CUBN: variants seen among roughly 807,000 people sequenced by gnomAD.
CUBN encodes the protein cubilin.
A neutral mutation model predicts 405.3 loss-of-function variants in CUBN; 282 were observed. That is an observed-to-expected ratio of 0.70 (90% confidence interval 0.63 to 0.77). The LOEUF is 0.77. Ranked by LOEUF, CUBN falls within the 30% of genes least tolerant of loss-of-function variation. The pLI, the probability that CUBN is intolerant of heterozygous loss-of-function variation, is 0.00. For synonymous variants in CUBN, 1,684 were observed against 1,617.0 expected, an observed-to-expected ratio of 1.04 and a Z score of -0.99; for missense variants, 4,514 against 4,475.2, an observed-to-expected ratio of 1.01 and a Z score of -0.25.
At position 17,048,516 on chromosome 10, in the gene CUBN, T is replaced by G. The variant is rs1835189794; in HGVS notation, c.3140-913A>C. Among the ~76,000 whole-genome samples, 4 of 152,254 alleles carry G rather than the reference T, an allele frequency of 2.6e-5. 1 individual carries two copies. In the South Asian group the frequency reaches 8.3e-4, roughly 32 times the overall value. On this transcript the variant is annotated intron_variant, in intron 22 of 66. Transcript: ENST00000377833. ...CTTTTGAGACAGGGTCTTGCTCTGT[T>G]GCCAAGGCTGGAGTGGAGTGGCGGG...
At chr10:17,040,790 G>A (rs1463949428) in intron 27 of CUBN, among the ~76,000 whole-genome samples, 2 of 152,078 alleles carry the variant, frequency 1.3e-5, no homozygotes, top group East Asian at 3.9e-4. Flanking sequence ...TGTAAGTTAA[G>A]TAATATGAGG....
chr10:16,839,522 T>A (rs937919633), intron 62 of CUBN, among the ~76,000 whole-genome samples: 2 of 135,054 alleles, frequency 1.5e-5, no homozygotes, highest in African/African-American at 2.5e-5. Context: ...TGAGATACCA[T>A]CTCACACCAG....
At position 17,100,324 on chromosome 10, in the gene CUBN, A is replaced by G. The variant is rs1400091121; in HGVS notation, c.1531-85T>C. On this transcript the variant is annotated intron_variant, in intron 13 of 66. Coordinates refer to ENST00000377833, the MANE Select transcript of CUBN (RefSeq NM_001081.4). ...CTCCCACTTCCTAGGCAGCATTCAT[A>G]CTGAGGCACTTTCAAGAGCTAGACC... The G allele has an allele frequency of 4.6e-6, 4 of 870,744 alleles. No individual in the cohort carries two copies. The East Asian group carries it at 1.0e-4, about 23-fold the overall frequency. 53.9% of individuals were successfully genotyped at this position (870,744 alleles called of 1,614,324 possible).
chr10:16,855,600 T>G (rs150856250), intron 59 of CUBN, among the ~76,000 whole-genome samples: 1 of 152,186 alleles, frequency 6.6e-6, no homozygotes, highest in Non-Finnish European at 1.5e-5. Flanking sequence ...CGTGGACCCA[T>G]AAGTGATAAA....
At chr10:17,003,235 G>C (rs988197563) in intron 28 of CUBN, among the ~76,000 whole-genome samples, 21 of 152,068 alleles carry the variant, frequency 1.4e-4, no homozygotes, top group Non-Finnish European at 2.9e-4. Flanking sequence ...CGGATGGATG[G>C]GTGCTTTACC....
At chr10:16,909,353 A>G (rs528663992) in intron 48 of CUBN, among the ~76,000 whole-genome samples, 2 of 152,328 alleles carry the variant, frequency 1.3e-5, no homozygotes, top group East Asian at 3.9e-4. Context: ...TGTCTTATCT[A>G]ATCAACAAAA....
Position 17,041,135 on chromosome 10 carries a change from A to T in CUBN, c.3915T>A (p.His1305Gln). 6.2e-7 allele frequency: 1 copy of T among 1,613,822 alleles called. No homozygotes were observed. The highest frequency in any genetic ancestry group is 1.1e-5 in the South Asian group (1 of 91,070). ...TTGTTGCCCGGATGGTCCAGTTGCA[A>T]TGCTGATTTTCAGAATAAGGATTCG... ...GYPNPYSENQHCNWTIRATTG... is the reference protein window; with the variant it reads ...GYPNPYSENQQCNWTIRATTG... The change falls in exon 27 of 67, where the codon CAT becomes CAA. Residue 1305 changes from histidine to glutamine, a missense_variant. His to Gln is a conservative substitution (Grantham distance 24, BLOSUM62 0). Coordinates refer to ENST00000377833, the MANE Select transcript of CUBN (RefSeq NM_001081.4).
At chr10:16,870,203 T>C (rs1017441283) in intron 58 of CUBN, among the ~76,000 whole-genome samples, 5 of 152,192 alleles carry the variant, frequency 3.3e-5, no homozygotes, top group Admixed American at 1.3e-4. Flanking sequence ...CCAGCAATAC[T>C]TTAGTTTTTT....
Position 16,824,570 on chromosome 10 carries a change from G to C in CUBN, c.*405C>G, listed in dbSNP as rs1771888705. Reference sequence around the variant, plus strand: ...GAGTCTTGCCGTCTCGCCCAGGCTGGAGTGTAGTGGTGTGATCTTAGCTCA... The same window carrying C: ...GAGTCTTGCCGTCTCGCCCAGGCTGCAGTGTAGTGGTGTGATCTTAGCTCA... On this transcript the variant is annotated 3_prime_UTR_variant, in exon 67 of 67. Transcript: ENST00000377833. 5.3e-6 allele frequency: 1 copy of C among 190,222 alleles called. No individual in the cohort carries two copies. The highest frequency in any genetic ancestry group is 2.4e-5 in the African/African-American group (1 of 42,432). The allele number at this position is 190,222 out of a possible 1,614,324, so 11.8% of individuals were successfully genotyped here.
At chr10:16,958,708 A>T (rs1030566613) in intron 31 of CUBN, among the ~76,000 whole-genome samples, 1 of 152,208 alleles carries the variant, frequency 6.6e-6, no homozygotes, top group Non-Finnish European at 1.5e-5. Context: ...CATTCAATGT[A>T]GGCTAGTAAG....
intron 59 of CUBN, among the ~76,000 whole-genome samples, chr10:16,865,206 G>A (rs1250116254): frequency 6.6e-6 from 1 of 151,862 alleles, no homozygotes; most frequent in Non-Finnish European, 1.5e-5. Context: ...CTGACCTCAA[G>A]TGATCTGCCT....
At chr10:16,963,137 C>T (rs1843280193) in intron 31 of CUBN, among the ~76,000 whole-genome samples, 1 of 149,372 alleles carries the variant, frequency 6.7e-6, no homozygotes, top group South Asian at 2.1e-4. Context: ...AAGTTTTTCT[C>T]ATTTCGTTCC....
rs1833554237 is a variant in CUBN, at chr10:16,990,518, G to C, written c.4169-3C>G. 1 of 1,614,030 alleles carries C rather than the reference G, an allele frequency of 6.2e-7. No homozygotes were observed. Among genetic ancestry groups the C allele is most frequent in the Non-Finnish European group, 8.5e-7 (1 of 1,179,972 alleles). On this transcript the variant is annotated splice_polypyrimidine_tract_variant and splice_region_variant and intron_variant, in intron 28 of 66. Transcript: ENST00000377833. ...CCCAGACAGCTCTCCACCACAACCT[G>C]TTAAAACAGAAAGGTTCAGTCAGTT...
chr10:16,971,252 G>A (rs1832923541), intron 31 of CUBN, among the ~76,000 whole-genome samples: 2 of 152,312 alleles, frequency 1.3e-5, no homozygotes, highest in Middle Eastern at 3.4e-3. Flanking sequence ...AACTGAGACT[G>A]CAGAGATATT....
At chr10:17,045,312 T>C in intron 24 of CUBN, 124 bp from the exon 25 acceptor site, 1 of 955,506 alleles carries the variant, frequency 1.0e-6, no homozygotes, top group South Asian at 1.4e-5. Context: ...CAAAATGGCA[T>C]CATGAAAGAG....
chr10:16,949,903 G>T, intron 34 of CUBN, 98 bp downstream of exon 34: 2 of 898,292 alleles, frequency 2.2e-6, no homozygotes, highest in East Asian at 2.6e-5. Flanking sequence ...TCTATTTATT[G>T]GAAACATTGC....
intron 27 of CUBN, among the ~76,000 whole-genome samples, chr10:17,035,456 G>C (rs17139669): frequency 0.11 from 17,439 of 152,142 alleles, 1,294 homozygotes; most frequent in South Asian, 0.32. Flanking sequence ...AACATGCCTA[G>C]TTTGATTTTG....
intron 59 of CUBN, among the ~76,000 whole-genome samples, chr10:16,866,563 T>C (rs1351840386): frequency 1.3e-5 from 2 of 152,302 alleles, no homozygotes; most frequent in African/African-American, 4.8e-5. Context: ...TTAAACTTTA[T>C]AGGAGCATAG....
At chr10:16,935,493 T>A (rs1397539341) in intron 39 of CUBN, among the ~76,000 whole-genome samples, 3 of 152,166 alleles carry the variant, frequency 2.0e-5, no homozygotes, top group Non-Finnish European at 2.9e-5. Context: ...AGATTGTACC[T>A]CATTTTCCTT....
Sources: gnomAD v4.1 joint callset for allele counts (sites outside exome capture counted in the v4.1 genomes callset) on GRCh38, gnomAD v4.1.1 for gene constraint, MANE v1.5 for transcripts, NCBI Gene and HGNC (gene_info 2026-07-23, HGNC 2026-07-21) for gene names.